Variants in DNAH10 observed in about 807,000 individuals in gnomAD.
The protein encoded by DNAH10 is axonemal beta dynein heavy chain 10.
A neutral mutation model predicts 506.6 loss-of-function variants in DNAH10; 348 were observed. The ratio of observed to expected loss-of-function variants is 0.69; its 90% CI spans 0.63 to 0.75. The LOEUF is 0.75. Ranked by LOEUF, DNAH10 falls within the 30% of genes least tolerant of loss-of-function variation. The pLI is 0.00. For missense variants in DNAH10, 5,179 were observed against 5,787.1 expected, an observed-to-expected ratio of 0.89 and a Z score of 3.41; for synonymous variants, 2,059 against 2,198.6, an observed-to-expected ratio of 0.94 and a Z score of 1.78.
chr12:123,768,831 T>C (rs1255416294), intron 2 of DNAH10, among the ~76,000 whole-genome samples: 2 of 152,072 alleles, frequency 1.3e-5, no homozygotes, highest in Non-Finnish European at 2.9e-5. Flanking sequence ...CTCTAACTTC[T>C]AGGCTCAAGC....
At chr12:123,876,097 T>G (rs1160989019) in intron 47 of DNAH10, among the ~76,000 whole-genome samples, 28 of 152,192 alleles carry the variant, frequency 1.8e-4, no homozygotes, top group Admixed American at 1.8e-3. Flanking sequence ...GTTTCCCTGC[T>G]AAAGCGGAGT....
intron 12 of DNAH10, among the ~76,000 whole-genome samples, chr12:123,794,692 G>A (rs1202423440): frequency 1.3e-5 from 2 of 151,722 alleles, no homozygotes; most frequent in South Asian, 2.1e-4. Flanking sequence ...CAAAAAATAT[G>A]AAAATTATCC....
chr12:123,877,373 G>A (rs150033984), intron 47 of DNAH10, among the ~76,000 whole-genome samples: 16 of 152,204 alleles, frequency 1.1e-4, no homozygotes, highest in African/African-American at 2.9e-4. Flanking sequence ...GTGCAATGGC[G>A]TGATCTCGGT....
rs138605404 is a variant in DNAH10, at chr12:123,875,379, G to A, written c.8087G>A (p.Arg2696His). The part of the protein sequence containing the change: ...IAAMGKAGGG[R>H]NEVDPRFISL... Reference sequence around the variant, plus strand: ...GCAATGGGAAAGGCTGGAGGAGGCCGCAATGAAGTTGACCCAAGATTTATT... The same window carrying A: ...GCAATGGGAAAGGCTGGAGGAGGCCACAATGAAGTTGACCCAAGATTTATT... Residue 2696 changes from arginine (R) to histidine (H), a missense_variant, in exon 47 of 79, where the codon CGC becomes CAC. Arg to His is a conservative substitution (Grantham distance 29). Around this residue, in one of 3 missense-constraint regions of DNAH10, gnomAD observed 4,844 missense variants for 5,430.5 expected, o/e 0.89. Transcript: ENST00000673944. The A allele has an allele frequency of 1.4e-4, 234 of 1,614,002 alleles. 2 individuals are homozygous for A. In the African/African-American group the frequency reaches 2.9e-3, roughly 20 times the overall value.
intron 76 of DNAH10, among the ~76,000 whole-genome samples, chr12:123,932,932 C>T (rs1955288053): frequency 6.6e-6 from 1 of 152,168 alleles, no homozygotes; most frequent in South Asian, 2.1e-4. Context: ...CTTGGTCTGC[C>T]AGTGTTGCAG....
At position 123,846,094 on chromosome 12, in the gene DNAH10, C is replaced by A. The variant is rs777483430; in HGVS notation, c.5754C>A (p.Gly1918=). ...GTFGYGYEYM[G]LNGRLVITPL... ...TTGGCTACGGCTACGAGTACATGGG[C>A]CTGAACGGCAGGCTGGTCATCACGC... Residue 1918 remains glycine (G), a synonymous_variant, in exon 32 of 79, where the codon GGC becomes GGA. Coordinates refer to ENST00000673944, the MANE Select transcript of DNAH10 (RefSeq NM_001372106.1). The surrounding 1 kb of genome is among the most constrained non-coding windows in gnomAD (Gnocchi z 4.5). The A allele has an allele frequency of 6.2e-7, 1 of 1,613,980 alleles. No homozygotes were observed. Among genetic ancestry groups the A allele is most frequent in the African/African-American group, 1.3e-5 (1 of 75,056 alleles).
rs772534493 is a variant in DNAH10, at chr12:123,910,600, G to T, written c.10062G>T (p.Gly3354=). 2 of 1,613,744 alleles carry T rather than the reference G, an allele frequency of 1.2e-6. No homozygotes were observed. The highest frequency in any genetic ancestry group is 1.7e-6 in the Non-Finnish European group (2 of 1,179,862). ...AAGCTGTCAGCAAAGCCGGGCTGGG[G>T]ATGCTGAAATTTGTTGAAGCTGTAA... ...EMEAVSKAGL[G]MLKFVEAVMG... The change falls in exon 59 of 79, where the codon GGG becomes GGT. Residue 3354 remains glycine (G), a synonymous_variant. Coordinates refer to ENST00000673944, the MANE Select transcript of DNAH10 (RefSeq NM_001372106.1).
At chr12:123,781,560 G>A (rs574096750) in intron 6 of DNAH10, among the ~76,000 whole-genome samples, 1 of 151,984 alleles carries the variant, frequency 6.6e-6, no homozygotes, top group Non-Finnish European at 1.5e-5. Context: ...CCGCCCCCTG[G>A]GTTCAAGGGA....
At chr12:123,763,222 C>T (rs1956894351) in intron 1 of DNAH10, among the ~76,000 whole-genome samples, 1 of 152,176 alleles carries the variant, frequency 6.6e-6, no homozygotes, top group South Asian at 2.1e-4. Flanking sequence ...TCTGTGGAGG[C>T]GGATCCCCAG....
At chr12:123,779,476 G>T (rs1301686498) in intron 5 of DNAH10, among the ~76,000 whole-genome samples, 1 of 152,172 alleles carries the variant, frequency 6.6e-6, no homozygotes. Flanking sequence ...TTCCCCATAT[G>T]AAATGTACGG....
intron 28 of DNAH10, among the ~76,000 whole-genome samples, chr12:123,837,678 A>G (rs1961310137): frequency 1.3e-5 from 2 of 150,310 alleles, no homozygotes; most frequent in East Asian, 2.0e-4. Context: ...CTGGGCTCAT[A>G]TGATCCTCGC....
At chr12:123,915,959 T>G (rs1954459610) in intron 62 of DNAH10, among the ~76,000 whole-genome samples, 1 of 152,228 alleles carries the variant, frequency 6.6e-6, no homozygotes, top group African/African-American at 2.4e-5. Flanking sequence ...TCAATTTAGC[T>G]TTTCCTCATT....
At position 123,909,431 on chromosome 12, in the gene DNAH10, A is replaced by G; in HGVS notation, c.9986A>G (p.Lys3329Arg). 6.3e-7 allele frequency: 1 copy of G among 1,595,128 alleles called. No homozygotes were observed. The highest frequency in any genetic ancestry group is 1.1e-5 in the South Asian group (1 of 87,736). The change falls in exon 58 of 79, where the codon AAA becomes AGA. Residue 3329 changes from lysine (K) to arginine (R), a missense_variant. Coordinates refer to ENST00000673944, the MANE Select transcript of DNAH10 (RefSeq NM_001372106.1). This position sits in a 1 kb window ranked among gnomAD's most constrained non-coding sequence, Gnocchi z 5.4. Reference sequence around the variant, plus strand: ...GATTCGATTACCCAGAGCCAAGTGAAAAACATCAAAGGTGAGTGTAGCCAC... The same window carrying G: ...GATTCGATTACCCAGAGCCAAGTGAGAAACATCAAAGGTGAGTGTAGCCAC... ...DFDSITQSQVKNIKGLLKTLN... is the reference protein window; with the variant it reads ...DFDSITQSQVRNIKGLLKTLN...
At chr12:123,884,752 A>T (rs1266962367) in intron 51 of DNAH10, among the ~76,000 whole-genome samples, 1 of 152,150 alleles carries the variant, frequency 6.6e-6, no homozygotes, top group East Asian at 1.9e-4. Flanking sequence ...AGTAAGAATC[A>T]CTATTGTTAT....
Position 123,787,866 on chromosome 12 carries a change from A to G in DNAH10, c.1484A>G (p.Lys495Arg), listed in dbSNP as rs552134248. Residue 495 changes from lysine (K) to arginine (R), a missense_variant, in exon 10 of 79, where the codon AAA (lysine) becomes AGA (arginine). Lys to Arg is a conservative substitution (Grantham distance 26). This residue lies in a region of DNAH10 where 4,844 missense variants were observed against 5,430.5 expected (regional missense o/e 0.89). Transcript: ENST00000673944. This position sits in a 1 kb window ranked among gnomAD's most constrained non-coding sequence, Gnocchi z 4.6. ...LEARNTLRLW[K>R]KAYFDTRAKI... is the part of the protein sequence containing the mutation. ...GCCAGGAACACCCTCAGGCTGTGGA[A>G]AAAGGCCTATTTTGACACCCGGGCC... 9 of 1,614,064 alleles carry G rather than the reference A, an allele frequency of 5.6e-6. No individual in the cohort carries two copies. The African/African-American group carries it at 1.1e-4, about 19-fold the overall frequency.
chr12:123,923,610 A>C, intron 65 of DNAH10, 153 bp from the exon 66 acceptor site: 2 of 567,446 alleles, frequency 3.5e-6, no homozygotes, highest in Non-Finnish European at 6.1e-6. Context: ...TTGAACTTAG[A>C]TATTCATGGA....
At chr12:123,879,422 G>GT in intron 49 of DNAH10, 65 bp downstream of exon 49, 5 of 1,530,222 alleles carry the variant, frequency 3.3e-6, no homozygotes, top group Non-Finnish European at 4.4e-6. Context: ...CGCCAAAAGT[G>GT]TTTTTTATAT....
Position 123,826,837 on chromosome 12 carries a change from A to C in DNAH10, c.4330A>C (p.Lys1444Gln). The change falls in exon 25 of 79, where the codon AAG becomes CAG. Residue 1444 changes from lysine to glutamine, a missense_variant. This residue lies in a region of DNAH10 where 4,844 missense variants were observed against 5,430.5 expected (regional missense o/e 0.89). Coordinates refer to ENST00000673944, the MANE Select transcript of DNAH10 (RefSeq NM_001372106.1). ...SVTYYLEAKM[K>Q]AFKDSIPLLL... The stretch of plus-strand genomic sequence containing the variant: ...GACCTACTACTTGGAAGCAAAAATG[A>C]AGGCATTCAAAGACTCGATTCCTTT... 1 of 1,614,020 alleles carries C rather than the reference A, an allele frequency of 6.2e-7. No homozygotes were observed. The highest frequency in any genetic ancestry group is 1.1e-5 in the South Asian group (1 of 91,076).
chr12:123,838,750 C>T, intron 29 of DNAH10, 61 bp downstream of exon 29: 2 of 1,462,036 alleles, frequency 1.4e-6, no homozygotes, highest in South Asian at 2.4e-5. Context: ...TTCGGTCCTC[C>T]CTGGTTCCCT....
Sources: gnomAD v4.1 joint callset for allele counts (sites outside exome capture counted in the v4.1 genomes callset) on GRCh38, gnomAD v4.1.1 for gene constraint, gnomAD v4.1.1 regional missense constraint, Gnocchi (gnomAD v3.1) non-coding constraint, MANE v1.5 for transcripts, NCBI Gene and HGNC (gene_info 2026-07-23, HGNC 2026-07-21) for gene names.